Variants in FRK observed in about 807,000 individuals in gnomAD.
FRK encodes fyn related Src family tyrosine kinase.
In FRK, 51 loss-of-function variants were observed where a neutral mutation model predicts 56.4. The observed-to-expected ratio is 0.90, with a 90% confidence interval of 0.72 to 1.14. The LOEUF (loss-of-function observed/expected upper bound fraction) is 1.14, where lower values mean the gene tolerates loss of function less well. Among genes scored for constraint, FRK ranks in the 50% most tolerant of loss-of-function variants. The pLI is 0.00. For synonymous variants in FRK, 245 were observed against 217.9 expected, an observed-to-expected ratio of 1.12 and a Z score of -1.10; for missense variants, 570 against 601.4, an observed-to-expected ratio of 0.95 and a Z score of 0.55.
chr6:116,059,200 A>G (rs1391220366), intron 1 of FRK, among the ~76,000 whole-genome samples: 1 of 152,056 alleles, frequency 6.6e-6, no homozygotes, highest in Non-Finnish European at 1.5e-5. Flanking sequence ...GGATGGGTGA[A>G]TAAGTACATA....
At chr6:115,976,483 G>C (rs1056895004) in intron 2 of FRK, among the ~76,000 whole-genome samples, 2 of 152,138 alleles carry the variant, frequency 1.3e-5, no homozygotes, top group Admixed American at 1.3e-4. Flanking sequence ...AAAAACATTG[G>C]TATAACAATT....
At chr6:116,038,466 A>C (rs963000657) in intron 1 of FRK, among the ~76,000 whole-genome samples, 6 of 152,202 alleles carry the variant, frequency 3.9e-5, no homozygotes, top group Admixed American at 2.0e-4. Flanking sequence ...AGCCAGACTT[A>C]AAGACAAATA....
intron 1 of FRK, chr6:116,038,767 C>T (rs1562298879): frequency 2.0e-6 from 1 of 491,376 alleles, no homozygotes; most frequent in Non-Finnish European, 4.1e-6. Flanking sequence ...TGGCGACCTC[C>T]AGGAAGTTCG....
At chr6:116,093,900 C>T in the FRK span, among the ~76,000 whole-genome samples, 1 of 152,070 alleles carries the variant, frequency 6.6e-6, no homozygotes, top group African/African-American at 2.4e-5. Context: ...TAAAGTGAGC[C>T]CTGGGCCCTG....
At chr6:115,957,160 CAT>C (rs965984418) in intron 4 of FRK, among the ~76,000 whole-genome samples, 4 of 152,096 alleles carry the variant, frequency 2.6e-5, no homozygotes, top group Admixed American at 2.0e-4. Context: ...GTTTTTTTCA[CAT>C]GTTTTATATG....
chr6:116,023,458 A>G (rs1775956504), intron 1 of FRK, among the ~76,000 whole-genome samples: 1 of 152,222 alleles, frequency 6.6e-6, no homozygotes, highest in Non-Finnish European at 1.5e-5. Context: ...ATCAAAAATC[A>G]GCAAACTAAT....
chr6:116,006,623 T>C (rs1274355072), intron 1 of FRK, among the ~76,000 whole-genome samples: 1 of 152,130 alleles, frequency 6.6e-6, no homozygotes, highest in Non-Finnish European at 1.5e-5. Flanking sequence ...GGAGAAAAGA[T>C]AAACAAACAG....
In FRK at chr6:115,933,955, G is replaced by A. The variant is rs1024877739; in HGVS notation, c.*8459C>T. The stretch of plus-strand genomic sequence containing the variant: ...CTTCACATGACCCATTTAATTTCAA[G>A]GTCATCAGGAAAGTTTGGGTATATA... On this transcript the variant is annotated 3_prime_UTR_variant, in exon 8 of 8. Coordinates refer to ENST00000606080, the MANE Select transcript of FRK (RefSeq NM_002031.3). 5.9e-5 allele frequency: 9 copies of A among 152,082 alleles called. No individual in the cohort carries two copies. Among genetic ancestry groups the A allele is most frequent in the African/African-American group, 1.9e-4 (8 of 41,496 alleles). 9.4% of individuals were successfully genotyped at this position (152,082 alleles called of 1,614,324 possible). A position where few individuals can be genotyped will look rare whatever the true frequency, so the allele number is the denominator to read the frequency against.
intron 2 of FRK, among the ~76,000 whole-genome samples, chr6:115,971,003 G>A (rs1252677592): frequency 6.6e-6 from 1 of 152,100 alleles, no homozygotes; most frequent in Non-Finnish European, 1.5e-5. Flanking sequence ...ACCTTATTCT[G>A]TTTCTTAACT....
At chr6:116,041,237 A>G (rs1342030310) in intron 1 of FRK, among the ~76,000 whole-genome samples, 1 of 152,152 alleles carries the variant, frequency 6.6e-6, no homozygotes, top group African/African-American at 2.4e-5. Context: ...CAAGGTATTG[A>G]GTTGCTTTTT....
intron 2 of FRK, among the ~76,000 whole-genome samples, chr6:115,973,588 G>T (rs1242194381): frequency 6.6e-6 from 1 of 151,932 alleles, no homozygotes; most frequent in East Asian, 1.9e-4. Context: ...GCCAACAAAG[G>T]GCTGGGCATG....
chr6:116,053,409 A>G (rs1777252945), intron 1 of FRK, among the ~76,000 whole-genome samples: 1 of 152,174 alleles, frequency 6.6e-6, no homozygotes, highest in Admixed American at 6.6e-5. Flanking sequence ...CACAGCATAT[A>G]GTAGCTGCTA....
chr6:116,041,325 C>A (rs1267785415), intron 1 of FRK, among the ~76,000 whole-genome samples: 1 of 152,180 alleles, frequency 6.6e-6, no homozygotes, highest in Non-Finnish European at 1.5e-5. Flanking sequence ...ACTCTATAAC[C>A]ACTGTATACC....
the FRK span, among the ~76,000 whole-genome samples, chr6:116,090,602 T>C: frequency 2.6e-5 from 4 of 152,320 alleles, no homozygotes; most frequent in East Asian, 7.7e-4. Context: ...TTACAGACAA[T>C]GTGTCTAGAG....
chr6:116,011,621 CAT>C (rs777874202), intron 1 of FRK, among the ~76,000 whole-genome samples: 24 of 152,202 alleles, frequency 1.6e-4, no homozygotes, highest in Non-Finnish European at 2.2e-4. Context: ...CACAGTTACA[CAT>C]GTTATAATGG....
chr6:116,001,286 CAT>C (rs908831212), intron 2 of FRK, among the ~76,000 whole-genome samples: 1 of 151,400 alleles, frequency 6.6e-6, no homozygotes, highest in African/African-American at 2.4e-5. Context: ...ATGTTATACA[CAT>C]ACATGCATAC....
intron 6 of FRK, 49 bp downstream of exon 6, chr6:115,944,195 T>TA: frequency 6.8e-7 from 1 of 1,465,726 alleles, no homozygotes; most frequent in Admixed American, 1.9e-5. Context: ...TACTAACTGT[T>TA]AGACTTTTGA....
At chr6:115,982,843 G>A (rs905684945) in intron 2 of FRK, among the ~76,000 whole-genome samples, 10 of 152,058 alleles carry the variant, frequency 6.6e-5, no homozygotes, top group Middle Eastern at 3.2e-3. Context: ...AGGCTGAAGC[G>A]GGTGGATCAC....
chr6:116,037,860 C>T (rs1776546791), intron 1 of FRK, among the ~76,000 whole-genome samples: 1 of 152,108 alleles, frequency 6.6e-6, no homozygotes, highest in South Asian at 2.1e-4. Flanking sequence ...TCCTCTACTG[C>T]ACCTGGGTCT....
Sources: allele counts gnomAD v4.1 joint callset (sites outside exome capture counted in the v4.1 genomes callset), GRCh38; gene constraint gnomAD v4.1.1; transcripts MANE v1.5; gene names NCBI Gene and HGNC (gene_info 2026-07-23, HGNC 2026-07-21).